The following MANEAL variants were observed in gnomAD, a reference collection of about 807,000 sequenced individuals.
MANEAL encodes the protein mannosidase endo-alpha like.
MANEAL carries 28 observed loss-of-function variants against 35.9 expected under a neutral mutation model. That is an observed-to-expected ratio of 0.78 (90% CI 0.58 to 1.07). MANEAL has a LOEUF of 1.07. Ranked by LOEUF, MANEAL falls within the 50% of genes least tolerant of loss-of-function variation. MANEAL has a pLI of 0.00. For synonymous variants in MANEAL, 286 were observed against 272.2 expected, an observed-to-expected ratio of 1.05 and a Z score of -0.50; for missense variants, 576 against 629.6, an observed-to-expected ratio of 0.91 and a Z score of 0.91.
chr1:37,794,392 G>C lies in MANEAL; in HGVS notation c.210G>C (p.Pro70=), dbSNP rs1426212204. The stretch of plus-strand genomic sequence containing the variant: ...CGGCAGCCCCTGCCGCGCCGCCCCC[G>C]CCGCCGCCGCCGCCCCGCACCGCGG... ...RAPAAPAAPP[P]PPPPPRTADP... Residue 70 remains proline, a synonymous_variant, in exon 1 of 4, where the codon CCG becomes CCC. Transcript: ENST00000373045. This position sits in a 1 kb window ranked among gnomAD's most constrained non-coding sequence, Gnocchi z 5.7. 9 of 1,083,612 alleles carry C rather than the reference G, an allele frequency of 8.3e-6. No individual in the cohort carries two copies. The highest frequency in any genetic ancestry group is 5.6e-6 in the Non-Finnish European group (5 of 889,328). 67.1% of individuals were successfully genotyped at this position (1,083,612 alleles called of 1,614,324 possible).
rs1474079132 is a variant in MANEAL, at chr1:37,800,077, C to A, written c.1248C>A (p.Ala416=). 23 of 1,614,058 alleles carry A rather than the reference C, an allele frequency of 1.4e-5. No individual in the cohort carries two copies. The highest frequency in any genetic ancestry group is 1.9e-5 in the Non-Finnish European group (22 of 1,180,048). Residue 416 remains alanine (A), a synonymous_variant, in exon 4 of 4, where the codon GCC becomes GCA. Transcript: ENST00000373045. ...ACGAGGGCACCCAGATTGAGAAGGC[C>A]ATTCCCAAGAAGACACCCACCCGCC... ...EWHEGTQIEK[A]IPKKTPTRLY...
chr1:37,795,693 G>C (rs779699516), intron 1 of MANEAL, 44 bp from the exon 2 acceptor site: 5 of 1,612,776 alleles, frequency 3.1e-6, no homozygotes, highest in African/African-American at 2.7e-5. Context: ...TCTGTTGAGG[G>C]GGGTACTGTG....
In MANEAL at chr1:37,799,597, T is replaced by C. The variant is rs769081297; in HGVS notation, c.768T>C (p.Tyr256=). Reference sequence around the variant, plus strand: ...GCTCCCATGGTGCATTTTACCGCTATAAGAACAGCATGGGCAAGAGCCTCC... The same window carrying C: ...GCTCCCATGGTGCATTTTACCGCTACAAGAACAGCATGGGCAAGAGCCTCC... The part of the protein sequence containing the change: ...TYGSHGAFYR[Y]KNSMGKSLPL... Residue 256 remains tyrosine, a synonymous_variant, in exon 4 of 4, where the codon TAT becomes TAC. Transcript: ENST00000373045. The surrounding 1 kb of genome is among the most constrained non-coding windows in gnomAD (Gnocchi z 4.1). The C allele has an allele frequency of 1.2e-6, 2 of 1,614,142 alleles. No individual in the cohort carries two copies. The highest frequency in any genetic ancestry group is 2.2e-5 in the East Asian group (1 of 44,880).
rs1259493774 is a variant in MANEAL, at chr1:37,800,585, C to T, written c.*382C>T. 8.6e-6 allele frequency: 2 copies of T among 231,560 alleles called. No individual in the cohort carries two copies. Among genetic ancestry groups the T allele is most frequent in the Non-Finnish European group, 1.7e-5 (2 of 117,352 alleles). The allele number at this position is 231,560 out of a possible 1,614,324, so 14.3% of individuals were successfully genotyped here. ...AGGGTCTGGGCTCGCATGCACCCTGCTCCCTTCTGCCAGCCTGCATCCTCT... is the reference window on the plus strand; with the variant it reads ...AGGGTCTGGGCTCGCATGCACCCTGTTCCCTTCTGCCAGCCTGCATCCTCT... On this transcript the variant is annotated 3_prime_UTR_variant, in exon 4 of 4. Coordinates refer to ENST00000373045, the MANE Select transcript of MANEAL (RefSeq NM_001113482.2).
chr1:37,794,438 C>G lies in MANEAL; in HGVS notation c.256C>G (p.Pro86Ala). The G allele has an allele frequency of 5.3e-6, 8 of 1,513,952 alleles. No homozygotes were observed. The highest frequency in any genetic ancestry group is 7.1e-6 in the Non-Finnish European group (8 of 1,127,670). 93.8% of individuals were successfully genotyped at this position (1,513,952 alleles called of 1,614,324 possible). A position where few individuals can be genotyped will look rare whatever the true frequency, so the allele number is the denominator to read the frequency against. ...RTADPGGSPG[P>A]APAEAEPAPV... ...CGCGGACCCTGGCGGCTCCCCTGGG[C>G]CGGCACCCGCGGAGGCCGAGCCCGC... is the stretch of plus-strand genomic sequence containing the variant. The change falls in exon 1 of 4, where the codon CCG (proline) becomes GCG (alanine). Residue 86 changes from proline to alanine, a missense_variant. This residue lies in a region of MANEAL where 449 missense variants were observed against 516.1 expected (regional missense o/e 0.87). Coordinates refer to ENST00000373045, the MANE Select transcript of MANEAL (RefSeq NM_001113482.2). The surrounding 1 kb of genome is among the most constrained non-coding windows in gnomAD (Gnocchi z 5.7).
rs1646621193 is a variant in MANEAL, at chr1:37,794,156, G to A, written c.-27G>A. On this transcript the variant is annotated 5_prime_UTR_variant, in exon 1 of 4. Coordinates refer to ENST00000373045, the MANE Select transcript of MANEAL (RefSeq NM_001113482.2). This position sits in a 1 kb window ranked among gnomAD's most constrained non-coding sequence, Gnocchi z 5.7. ...GGCGCGGCACGCTGGGAGGTAGCGC[G>A]GCGGCTGCAGGAGCGCACAGTCGGC... The A allele has an allele frequency of 8.7e-7, 1 of 1,151,998 alleles. No individual in the cohort carries two copies. The highest frequency in any genetic ancestry group is 1.1e-6 in the Non-Finnish European group (1 of 936,636). 71.4% of individuals were successfully genotyped at this position (1,151,998 alleles called of 1,614,324 possible).
chr1:37,800,415 C>T lies in MANEAL; in HGVS notation c.*212C>T, dbSNP rs777664272. 17 of 612,524 alleles carry T rather than the reference C, an allele frequency of 2.8e-5. No homozygotes were observed. The highest frequency in any genetic ancestry group is 6.0e-5 in the Admixed American group (2 of 33,512). The allele number at this position is 612,524 out of a possible 1,614,324, so 37.9% of individuals were successfully genotyped here. On this transcript the variant is annotated 3_prime_UTR_variant, in exon 4 of 4. Transcript: ENST00000373045. The stretch of plus-strand genomic sequence containing the variant: ...CTGAGGTGCTCTGTGGTGATGGGAA[C>T]GGCAGAGGCTGGCAGGTGACTGAAC...
At chr1:37,796,894 G>C in intron 3 of MANEAL, 74 bp downstream of exon 3, 1 of 1,390,474 alleles carries the variant, frequency 7.2e-7, no homozygotes, top group Non-Finnish European at 1.0e-6. Flanking sequence ...TGGAGGGGCA[G>C]GTCAAGAGAC....
intron 3 of MANEAL, among the ~76,000 whole-genome samples, chr1:37,798,660 G>A (rs970263798): frequency 6.6e-6 from 1 of 152,078 alleles, no homozygotes; most frequent in African/African-American, 2.4e-5. Flanking sequence ...TTGAGCCCAG[G>A]AGTTTGAGGT....
At position 37,799,498 on chromosome 1, in the gene MANEAL, A is replaced by G; in HGVS notation, c.738-69A>G. 6.5e-7 allele frequency: 1 copy of G among 1,526,952 alleles called. No individual in the cohort carries two copies. Among genetic ancestry groups the G allele is most frequent in the Non-Finnish European group, 8.8e-7 (1 of 1,134,296 alleles). The allele number at this position is 1,526,952 out of a possible 1,614,324, so 94.6% of individuals were successfully genotyped here. A position where few individuals can be genotyped will look rare whatever the true frequency, so the allele number is the denominator to read the frequency against. On this transcript the variant is annotated intron_variant, in intron 3 of 3. Coordinates refer to ENST00000373045, the MANE Select transcript of MANEAL (RefSeq NM_001113482.2). The surrounding 1 kb of genome is among the most constrained non-coding windows in gnomAD (Gnocchi z 4.1). The stretch of plus-strand genomic sequence containing the variant: ...CTGGGCTGTGTTGCATCCGTATCTC[A>G]TCCACGGGAGGTCCTACAGCTGTGC...
In MANEAL at chr1:37,799,527, T is replaced by G. The variant is rs760047286; in HGVS notation, c.738-40T>G. ...ACGGGAGGTCCTACAGCTGTGCTGG[T>G]CTCTCCCATCCAGCTGAGGCTCTTC... On this transcript the variant is annotated intron_variant, in intron 3 of 3. Transcript: ENST00000373045. The surrounding 1 kb of genome is among the most constrained non-coding windows in gnomAD (Gnocchi z 4.1). 5.7e-6 allele frequency: 9 copies of G among 1,587,300 alleles called. No homozygotes were observed. In the South Asian group the frequency reaches 1.0e-4, roughly 18 times the overall value.
rs1333510351 is a variant in MANEAL, at chr1:37,799,539, A to G, written c.738-28A>G. On this transcript the variant is annotated intron_variant, in intron 3 of 3. Coordinates refer to ENST00000373045, the MANE Select transcript of MANEAL (RefSeq NM_001113482.2). The surrounding 1 kb of genome is among the most constrained non-coding windows in gnomAD (Gnocchi z 4.1). ...ACAGCTGTGCTGGTCTCTCCCATCC[A>G]GCTGAGGCTCTTCTTTCTCCTTCTC... 13 of 1,601,620 alleles carry G rather than the reference A, an allele frequency of 8.1e-6. No individual in the cohort carries two copies. The highest frequency in any genetic ancestry group is 1.1e-5 in the Non-Finnish European group (13 of 1,173,872).
chr1:37,795,659 G>T, intron 1 of MANEAL, 78 bp from the exon 2 acceptor site: 1 of 1,594,910 alleles, frequency 6.3e-7, no homozygotes, highest in South Asian at 1.1e-5. Flanking sequence ...TTTGCAATTG[G>T]AGATGTTTGT....
intron 3 of MANEAL, among the ~76,000 whole-genome samples, chr1:37,798,473 T>G (rs1440433180): frequency 1.3e-5 from 2 of 152,066 alleles, no homozygotes; most frequent in African/African-American, 4.8e-5. Context: ...CTCACACCTG[T>G]AATCCCAGCA....
chr1:37,799,916 A>C lies in MANEAL; in HGVS notation c.1087A>C (p.Ile363Leu), dbSNP rs373784305. The change falls in exon 4 of 4, where the codon ATA (isoleucine) becomes CTA (leucine). Residue 363 changes from isoleucine to leucine, a missense_variant. By Grantham distance (5) the Ile-to-Leu change is conservative. Coordinates refer to ENST00000373045, the MANE Select transcript of MANEAL (RefSeq NM_001113482.2). The surrounding 1 kb of genome is among the most constrained non-coding windows in gnomAD (Gnocchi z 4.1). ...MFIPSVGPGY[I>L]DTSIRPWNNH... ...CATCCCCAGTGTGGGGCCTGGCTAC[A>C]TAGACACCAGCATTCGGCCCTGGAA... 1 of 1,614,238 alleles carries C rather than the reference A, an allele frequency of 6.2e-7. No homozygotes were observed. Among genetic ancestry groups the C allele is most frequent in the South Asian group, 1.1e-5 (1 of 91,086 alleles).
chr1:37,798,167 A>G (rs1646661577), intron 3 of MANEAL, among the ~76,000 whole-genome samples: 1 of 152,098 alleles, frequency 6.6e-6, no homozygotes, highest in African/African-American at 2.4e-5. Context: ...ACAAACAAAA[A>G]AAAAGAGAGT....
At position 37,800,335 on chromosome 1, in the gene MANEAL, G is replaced by A; in HGVS notation, c.*132G>A. Reference sequence around the variant, plus strand: ...GGTCAGCAGATGGGTGTTTCTGGGTGGGCCGTCAGGCATGGGCCTGTGCAA... The same window carrying A: ...GGTCAGCAGATGGGTGTTTCTGGGTAGGCCGTCAGGCATGGGCCTGTGCAA... On this transcript the variant is annotated 3_prime_UTR_variant, in exon 4 of 4. Transcript: ENST00000373045. 2 of 1,118,656 alleles carry A rather than the reference G, an allele frequency of 1.8e-6. No individual in the cohort carries two copies. The highest frequency in any genetic ancestry group is 2.5e-6 in the Non-Finnish European group (2 of 793,516). The allele number at this position is 1,118,656 out of a possible 1,614,324, so 69.3% of individuals were successfully genotyped here.
At position 37,795,944 on chromosome 1, in the gene MANEAL, G is replaced by A; in HGVS notation, c.660+98G>A. 3.9e-6 allele frequency: 4 copies of A among 1,024,972 alleles called. No individual in the cohort carries two copies. In the South Asian group the frequency reaches 4.1e-5, roughly 11 times the overall value. The allele number at this position is 1,024,972 out of a possible 1,614,324, so 63.5% of individuals were successfully genotyped here. A position where few individuals can be genotyped will look rare whatever the true frequency, so the allele number is the denominator to read the frequency against. ...AGTGCCTCTACAGAAGTTCTTGGCA[G>A]TAGCCCAAAGGGATAACAAATATGT... On this transcript the variant is annotated intron_variant, in intron 2 of 3. Transcript: ENST00000373045.
At position 37,794,085 on chromosome 1, in the gene MANEAL, G is replaced by T. The variant is rs1345620268; in HGVS notation, c.-98G>T. ...GGCGCCGCCCACGCCGCGCTCTGCC[G>T]GGCGCACAGTCTGCCTGGGAAGCGC... On this transcript the variant is annotated 5_prime_UTR_variant, in exon 1 of 4. Transcript: ENST00000373045. The surrounding 1 kb of genome is among the most constrained non-coding windows in gnomAD (Gnocchi z 5.7). 8.3e-6 allele frequency: 7 copies of T among 840,180 alleles called. No individual in the cohort carries two copies. Among genetic ancestry groups the T allele is most frequent in the Non-Finnish European group, 1.0e-5 (7 of 683,326 alleles). 52.0% of individuals were successfully genotyped at this position (840,180 alleles called of 1,614,324 possible).
Sources: allele counts gnomAD v4.1 joint callset (sites outside exome capture counted in the v4.1 genomes callset), GRCh38; gene constraint gnomAD v4.1.1; regional missense constraint gnomAD v4.1.1; non-coding constraint Gnocchi (gnomAD v3.1); transcripts MANE v1.5; gene names NCBI Gene and HGNC (gene_info 2026-07-23, HGNC 2026-07-21).